CNTNAP2: variants seen among roughly 807,000 people sequenced by gnomAD.
CNTNAP2 encodes contactin-associated protein-like 2.
CNTNAP2 carries 98 observed loss-of-function variants against 155.2 expected under a neutral mutation model. That is an observed-to-expected ratio of 0.63 (90% CI 0.54 to 0.75). The LOEUF (loss-of-function observed/expected upper bound fraction) is 0.75, where lower values mean the gene tolerates loss of function less well. Ranked by LOEUF, CNTNAP2 falls within the 30% of genes least tolerant of loss-of-function variation. The pLI, the probability that CNTNAP2 is intolerant of heterozygous loss-of-function variation, is 0.00. For missense variants in CNTNAP2, 1,727 were observed against 1,688.1 expected (o/e 1.02, Z -0.40); for synonymous variants, 651 against 631.2 (o/e 1.03, Z -0.47).
intron 1 of CNTNAP2, among the ~76,000 whole-genome samples, chr7:146,578,483 T>C (rs1798559649): frequency 6.6e-6 from 1 of 152,180 alleles, no homozygotes; most frequent in Non-Finnish European, 1.5e-5. Context: ...TGTTTATTTT[T>C]CAAATGAGGT....
chr7:146,922,494 T>C (rs1796523654), intron 3 of CNTNAP2, among the ~76,000 whole-genome samples: 1 of 152,090 alleles, frequency 6.6e-6, no homozygotes, highest in African/African-American at 2.4e-5. Context: ...TATGGTTGTT[T>C]TGGGAGGTTA....
intron 8 of CNTNAP2, among the ~76,000 whole-genome samples, chr7:147,251,121 C>T (rs1195919526): frequency 1.3e-5 from 2 of 152,172 alleles, no homozygotes; most frequent in Admixed American, 6.5e-5. Flanking sequence ...TAATCATTCA[C>T]ACCCTTTCAC....
intron 4 of CNTNAP2, among the ~76,000 whole-genome samples, chr7:147,087,641 G>C (rs933106990): frequency 6.6e-6 from 1 of 152,100 alleles, no homozygotes; most frequent in Non-Finnish European, 1.5e-5. Flanking sequence ...CACCCAAAGT[G>C]GGGGAGCTCC....
At chr7:147,213,571 CAA>C (rs5888241) in intron 8 of CNTNAP2, among the ~76,000 whole-genome samples, 52 of 139,972 alleles carry the variant, frequency 3.7e-4, no homozygotes, top group Non-Finnish European at 3.9e-4. Context: ...GCCCTCATCG[CAA>C]AAAAAAAAAT....
intron 13 of CNTNAP2, among the ~76,000 whole-genome samples, chr7:147,785,700 A>G (rs1446329059): frequency 6.6e-6 from 1 of 152,232 alleles, no homozygotes. Flanking sequence ...ATTAAAAACA[A>G]TAAGCTACAG....
rs554736677 is a variant in CNTNAP2, at chr7:147,942,730, T to A, written c.2256-35132T>A. On this transcript the variant is annotated intron_variant, in intron 14 of 23. Coordinates refer to ENST00000361727, the MANE Select transcript of CNTNAP2 (RefSeq NM_014141.6). ...TCCCAGCCTTCAAGTATGTGAAGAC[T>A]GCTATCAAGACCACTGTGTCTTACT... Among the ~76,000 whole-genome samples the A allele has an allele frequency of 3.3e-5, 5 of 152,290 alleles. No homozygotes were observed. In the East Asian group the frequency reaches 9.7e-4, roughly 29 times the overall value.
chr7:147,257,071 C>T (rs146510918), intron 8 of CNTNAP2, among the ~76,000 whole-genome samples: 87 of 152,212 alleles, frequency 5.7e-4, no homozygotes, highest in South Asian at 5.4e-3. Context: ...TTTGACAAAA[C>T]GCTTGGGCAT....
At chr7:147,522,435 A>G (rs997497924) in intron 11 of CNTNAP2, among the ~76,000 whole-genome samples, 3 of 152,042 alleles carry the variant, frequency 2.0e-5, no homozygotes, top group African/African-American at 4.8e-5. Context: ...AATATTTTAG[A>G]AAAAAAACCT....
chr7:147,518,757 G>T (rs998728627), intron 11 of CNTNAP2, among the ~76,000 whole-genome samples: 1 of 152,116 alleles, frequency 6.6e-6, no homozygotes, highest in Non-Finnish European at 1.5e-5. Context: ...ATGGCTGGGC[G>T]TGGTGGCTCA....
intron 13 of CNTNAP2, among the ~76,000 whole-genome samples, chr7:147,817,678 C>T (rs865798166): frequency 4.6e-5 from 7 of 151,826 alleles, no homozygotes; most frequent in African/African-American, 1.2e-4. Context: ...CCGAGGTGGG[C>T]GGATCACAAG....
At chr7:147,838,051 G>A (rs998733258) in intron 13 of CNTNAP2, among the ~76,000 whole-genome samples, 2 of 152,150 alleles carry the variant, frequency 1.3e-5, no homozygotes, top group African/African-American at 4.8e-5. Context: ...CTCAGTTATT[G>A]ACTTCTGTAT....
intron 9 of CNTNAP2, among the ~76,000 whole-genome samples, chr7:147,393,160 T>C (rs1450289643): frequency 6.6e-6 from 1 of 152,076 alleles, no homozygotes; most frequent in Non-Finnish European, 1.5e-5. Context: ...AGATTAACGA[T>C]GTCCATCTTG....
intron 15 of CNTNAP2, among the ~76,000 whole-genome samples, chr7:148,113,601 A>G (rs1361098803): frequency 6.6e-6 from 1 of 152,188 alleles, no homozygotes; most frequent in East Asian, 1.9e-4. Flanking sequence ...TTTTCTATTG[A>G]TGCTTAATTG....
At chr7:146,309,807 C>CA (rs1034281754) in intron 1 of CNTNAP2, among the ~76,000 whole-genome samples, 11 of 91,750 alleles carry the variant, frequency 1.2e-4, no homozygotes, top group Non-Finnish European at 1.9e-4. Flanking sequence ...TCAAAGAAAA[C>CA]AAAAAAAAGA....
chr7:147,018,181 C>T (rs1798758402), intron 3 of CNTNAP2, among the ~76,000 whole-genome samples: 1 of 152,044 alleles, frequency 6.6e-6, no homozygotes, highest in East Asian at 1.9e-4. Context: ...ATTTATCTTA[C>T]TAAACTCTGT....
chr7:148,401,368 A>G (rs974334502), intron 22 of CNTNAP2, among the ~76,000 whole-genome samples: 4 of 152,240 alleles, frequency 2.6e-5, no homozygotes, highest in African/African-American at 9.6e-5. Flanking sequence ...CAGAATCTAT[A>G]AAGGCCAGCT....
chr7:147,027,378 G>A (rs1275707245), intron 3 of CNTNAP2, among the ~76,000 whole-genome samples: 1 of 152,128 alleles, frequency 6.6e-6, no homozygotes, highest in East Asian at 1.9e-4. Flanking sequence ...AATTCTAAAA[G>A]CCACCTAATG....
intron 1 of CNTNAP2, among the ~76,000 whole-genome samples, chr7:146,595,638 C>A (rs1239737674): frequency 6.6e-6 from 1 of 151,982 alleles, no homozygotes. Context: ...ATTCAGGACA[C>A]CTGCCAAGCA....
At chr7:147,381,362 A>T (rs1796532538) in intron 9 of CNTNAP2, among the ~76,000 whole-genome samples, 2 of 152,166 alleles carry the variant, frequency 1.3e-5, no homozygotes, top group African/African-American at 2.4e-5. Flanking sequence ...GTATAATTTC[A>T]TAGTAATTAA....
Sources: allele counts gnomAD v4.1 joint callset (sites outside exome capture counted in the v4.1 genomes callset), GRCh38; gene constraint gnomAD v4.1.1; transcripts MANE v1.5; gene names NCBI Gene and HGNC (gene_info 2026-07-23, HGNC 2026-07-21).